The following TENT5D variants were observed in gnomAD, a reference collection of about 807,000 sequenced individuals.
TENT5D encodes the protein terminal nucleotidyltransferase 5D, also known as cancer/testis antigen 112.
For missense variants in TENT5D, 191 were observed against 287.0 expected (o/e 0.67, Z 2.42); for synonymous variants, 103 against 100.6 (o/e 1.02, Z -0.15).
chrX:80,392,760 C>T (rs1398224130), intron 3 of TENT5D, among the ~76,000 whole-genome samples: 1 of 107,523 alleles, frequency 9.3e-6, no homozygotes, highest in Non-Finnish European at 1.9e-5. Context: ...TCATGATCCA[C>T]CCGCCTCGGC....
chrX:80,382,695 A>T (rs1242698644), intron 3 of TENT5D, among the ~76,000 whole-genome samples: 1 of 40,887 alleles, frequency 2.4e-5, no homozygotes, highest in Non-Finnish European at 4.2e-5. Context: ...AACTTCAGCA[A>T]TGGCGGACGC....
chrX:80,424,426 C>T (rs1411284589), intron 1 of TENT5D, among the ~76,000 whole-genome samples: 1 of 111,739 alleles, frequency 8.9e-6, no homozygotes, highest in Non-Finnish European at 1.9e-5. Context: ...GTGGGTTATG[C>T]GAACTTTATT....
chrX:80,397,817 C>CTG (rs1931310726), intron 3 of TENT5D, among the ~76,000 whole-genome samples: 1 of 112,130 alleles, frequency 8.9e-6, no homozygotes, highest in Admixed American at 9.3e-5. Context: ...CAATCGCAGG[C>CTG]ACTCGGCAGG....
chrX:80,404,169 C>T (rs1348515734), intron 3 of TENT5D, among the ~76,000 whole-genome samples: 1 of 111,316 alleles, frequency 9.0e-6, no homozygotes, highest in African/African-American at 3.3e-5. Flanking sequence ...AAAACAATAT[C>T]ATCAGAATGG....
At chrX:80,418,170 G>A (rs1006771699), upstream of TENT5D, among the ~76,000 whole-genome samples, 2 of 109,241 alleles carry the variant, frequency 1.8e-5, no homozygotes, top group Non-Finnish European at 3.8e-5. Context: ...TTTTTTTTGA[G>A]TCAGGTTCTT....
chrX:80,382,971 T>C (rs776105380), intron 3 of TENT5D, among the ~76,000 whole-genome samples: 3 of 112,083 alleles, frequency 2.7e-5, no homozygotes, highest in Admixed American at 9.4e-5. Context: ...TGCCCCACCC[T>C]GCTTCAGCTC....
chrX:80,430,522 A>G lies in TENT5D; in HGVS notation c.-141-8088A>G, dbSNP rs191001707. On this transcript the variant is annotated intron_variant, in intron 1 of 2. Coordinates refer to ENST00000308293, the Ensembl canonical transcript of TENT5D. ...CCAAGAAGGGCAGGATTAATTTTACAATGCTTATAAAGATCTGGGTTATCT... is the reference window on the plus strand; with the variant it reads ...CCAAGAAGGGCAGGATTAATTTTACGATGCTTATAAAGATCTGGGTTATCT... Among the ~76,000 whole-genome samples, 818 of 111,501 alleles carry G rather than the reference A, an allele frequency of 7.3e-3. 1 individual carries two copies. The highest frequency in any genetic ancestry group is 0.013 in the Non-Finnish European group (683 of 53,085).
chrX:80,376,351 C>T (rs924995205), intron 3 of TENT5D, among the ~76,000 whole-genome samples: 3 of 110,934 alleles, frequency 2.7e-5, no homozygotes, highest in African/African-American at 9.8e-5. Flanking sequence ...TGCTAGATGG[C>T]TATAGTCAGA....
At chrX:80,402,085 A>T (rs1386795105) in intron 3 of TENT5D, among the ~76,000 whole-genome samples, 1 of 110,257 alleles carries the variant, frequency 9.1e-6, no homozygotes, top group African/African-American at 3.3e-5. Flanking sequence ...CTTGTTATGG[A>T]TCTGTTAAGA....
At chrX:80,367,770 A>G (rs910042654) in intron 3 of TENT5D, among the ~76,000 whole-genome samples, 1 of 111,975 alleles carries the variant, frequency 8.9e-6, no homozygotes, top group Non-Finnish European at 1.9e-5. Context: ...GTTCTCACTC[A>G]TTTGTGGGAA....
At chrX:80,408,638 G>C in intron 3 of TENT5D, among the ~76,000 whole-genome samples, 1 of 110,809 alleles carries the variant, frequency 9.0e-6, no homozygotes, top group East Asian at 2.8e-4. Context: ...TCCAGGACCA[G>C]ATGGATTCAC....
At chrX:80,371,884 C>A (rs1930630172) in intron 3 of TENT5D, among the ~76,000 whole-genome samples, 2 of 111,626 alleles carry the variant, frequency 1.8e-5, no homozygotes, top group African/African-American at 6.5e-5. Flanking sequence ...CTGGTGTGTT[C>A]ACTGGAGTAT....
intron 3 of TENT5D, among the ~76,000 whole-genome samples, chrX:80,410,334 A>G (rs1398900575): frequency 2.2e-5 from 2 of 89,468 alleles, no homozygotes; most frequent in Admixed American, 2.6e-4. Context: ...AAATTTTCAC[A>G]ACCTACTCAT....
chrX:80,370,720 A>G (rs1199413639), intron 3 of TENT5D, among the ~76,000 whole-genome samples: 3 of 111,335 alleles, frequency 2.7e-5, no homozygotes, highest in African/African-American at 9.9e-5. Context: ...CTTTAAGCAA[A>G]TGTGCTATCT....
At chrX:80,404,380 C>A (rs1931442374) in intron 3 of TENT5D, among the ~76,000 whole-genome samples, 1 of 111,497 alleles carries the variant, frequency 9.0e-6, no homozygotes, top group African/African-American at 3.3e-5. Context: ...ATAATATTGA[C>A]CATAAGATAT....
chrX:80,354,382 G>A (rs1384783846), intron 3 of TENT5D, among the ~76,000 whole-genome samples: 9 of 111,474 alleles, frequency 8.1e-5, no homozygotes, highest in Non-Finnish European at 1.3e-4. Context: ...TGGGGATTTT[G>A]TTCAATTTCC....
At chrX:80,350,238 A>C (rs1356007741) in intron 3 of TENT5D, among the ~76,000 whole-genome samples, 1 of 110,913 alleles carries the variant, frequency 9.0e-6, no homozygotes, top group African/African-American at 3.3e-5. Flanking sequence ...CCTAATATTG[A>C]CAGTGGGGCG....
intron 1 of TENT5D, among the ~76,000 whole-genome samples, chrX:80,432,222 A>C (rs950318970): frequency 1.8e-5 from 2 of 111,654 alleles, no homozygotes; most frequent in African/African-American, 3.3e-5. Flanking sequence ...TCCTTTTGCC[A>C]ATTCTCTAAT....
At chrX:80,405,158 C>T (rs1296619030) in intron 3 of TENT5D, among the ~76,000 whole-genome samples, 1 of 112,210 alleles carries the variant, frequency 8.9e-6, no homozygotes, top group African/African-American at 3.2e-5. Flanking sequence ...AACAGTGAGA[C>T]ACAATAAAAG....
Sources: gnomAD v4.1 joint callset for allele counts (sites outside exome capture counted in the v4.1 genomes callset) on GRCh38, gnomAD v4.1.1 for gene constraint, MANE v1.5 for transcripts, NCBI Gene and HGNC (gene_info 2026-07-23, HGNC 2026-07-21) for gene names.